Variants in HEXIM2 observed in about 807,000 individuals in gnomAD.
HEXIM2 encodes the protein HEXIM P-TEFb complex subunit 2.
For synonymous variants in HEXIM2, 159 were observed against 162.7 expected (o/e 0.98, Z 0.17); for missense variants, 413 against 390.8 (o/e 1.06, Z -0.48).
chr17:45,162,904 T>G (rs746587377), intron 3 of HEXIM2, 45 bp downstream of exon 3: 1 of 1,295,358 alleles, frequency 7.7e-7, no homozygotes, highest in East Asian at 2.3e-5. Flanking sequence ...CGAGCACGGG[T>G]CCCACAGCTG....
rs149754907 is a variant in HEXIM2 at position 45,169,424 on chromosome 17, A to G, written c.476A>G (p.Asp159Gly). Residue 159 changes from aspartate to glycine, a missense_variant, in exon 4 of 4, where the codon GAT becomes GGT. Transcript: ENST00000589230. ...NDRDPEEPNL[D>G]VPHGISHPGS... Reference sequence around the variant, plus strand: ...AGGGACCCGGAGGAGCCCAACTTGGATGTGCCCCATGGGATCTCCCACCCA... The same window carrying G: ...AGGGACCCGGAGGAGCCCAACTTGGGTGTGCCCCATGGGATCTCCCACCCA... 2.0e-5 allele frequency: 33 copies of G among 1,613,772 alleles called. No homozygotes were observed. The highest frequency in any genetic ancestry group is 2.8e-5 in the Non-Finnish European group (33 of 1,179,984).
In HEXIM2 at chr17:45,169,100, G is replaced by A. The variant is rs1174357154; in HGVS notation, c.152G>A (p.Ser51Asn). The A allele has an allele frequency of 6.2e-7, 1 of 1,613,980 alleles. No individual in the cohort carries two copies. The highest frequency in any genetic ancestry group is 8.5e-7 in the Non-Finnish European group (1 of 1,180,048). Residue 51 changes from serine (S) to asparagine (N), a missense_variant, in exon 4 of 4, where the codon AGC (serine) becomes AAC (asparagine). Physicochemically the swap from Ser to Asn is conservative, Grantham distance 46. Coordinates refer to ENST00000589230, the MANE Select transcript of HEXIM2 (RefSeq NM_001303441.2). ...CTGCCCCTGACACCGCGGATGGAGA[G>A]CCACTCAGAGGATGAAGATCTTGCT... ...GSLPLTPRME[S>N]HSEDEDLAGA... is the part of the protein sequence containing the mutation.
Position 45,169,952 on chromosome 17 carries a change from C to T in HEXIM2, c.*143C>T. ...CTGAGAACAGCTAAATCGGTTCAGA[C>T]TCCCACCTCACCGTTTCCATAGTTG... On this transcript the variant is annotated 3_prime_UTR_variant, in exon 4 of 4. Coordinates refer to ENST00000589230, the MANE Select transcript of HEXIM2 (RefSeq NM_001303441.2). 2 of 587,432 alleles carry T rather than the reference C, an allele frequency of 3.4e-6. No individual in the cohort carries two copies. Among genetic ancestry groups the T allele is most frequent in the South Asian group, 3.6e-5 (1 of 28,098 alleles). The allele number at this position is 587,432 out of a possible 1,614,324, so 36.4% of individuals were successfully genotyped here.
chr17:45,162,670 G>A lies in HEXIM2; in HGVS notation c.-45+35G>A, dbSNP rs2042731089. On this transcript the variant is annotated intron_variant, in intron 2 of 3. Coordinates refer to ENST00000589230, the MANE Select transcript of HEXIM2 (RefSeq NM_001303441.2). The stretch of plus-strand genomic sequence containing the variant: ...GCTGGGGTACAAAATGGCTGCCACT[G>A]CCTGGGCAAACAATTCTGGGCAGCC... 1.3e-5 allele frequency: 20 copies of A among 1,574,296 alleles called. No homozygotes were observed. In the South Asian group the frequency reaches 2.1e-4, roughly 16 times the overall value.
intron 3 of HEXIM2, among the ~76,000 whole-genome samples, chr17:45,167,320 TCA>T (rs1397477640): frequency 1.3e-5 from 2 of 151,230 alleles, no homozygotes; most frequent in Non-Finnish European, 2.9e-5. Context: ...AGCAAGACTC[TCA>T]CACACACACA....
At position 45,169,139 on chromosome 17, in the gene HEXIM2, G is replaced by T. The variant is rs1214924921; in HGVS notation, c.191G>T (p.Gly64Val). 1 of 1,613,922 alleles carries T rather than the reference G, an allele frequency of 6.2e-7. No homozygotes were observed. Among genetic ancestry groups the T allele is most frequent in the Non-Finnish European group, 8.5e-7 (1 of 1,180,032 alleles). ...EDEDLAGAVG[G>V]LGWNSRSPRT... ...GAAGATCTTGCTGGGGCTGTCGGTG[G>T]CCTGGGCTGGAACAGTAGGAGTCCC... Residue 64 changes from glycine (G) to valine (V), a missense_variant, in exon 4 of 4, where the codon GGC (glycine) becomes GTC (valine). Physicochemically the swap from Gly to Val is moderately radical, Grantham distance 109 (BLOSUM62 -3). Coordinates refer to ENST00000589230, the MANE Select transcript of HEXIM2 (RefSeq NM_001303441.2).
chr17:45,160,972 C>T (rs902388657), upstream of HEXIM2: 3 of 1,288,510 alleles, frequency 2.3e-6, no homozygotes, highest in Non-Finnish European at 3.0e-6. Context: ...GATCTCCGCT[C>T]TCGGAGCCTC....
At chr17:45,161,807 A>C (rs1055814134), upstream of HEXIM2, 11 of 985,104 alleles carry the variant, frequency 1.1e-5, no homozygotes, top group South Asian at 5.1e-4. Context: ...TGTTGACGTT[A>C]CAGGCCCTTG....
chr17:45,169,538 AC>A lies in HEXIM2; in HGVS notation c.591del (p.Tyr197Ter). The A allele has an allele frequency of 3.2e-6, 5 of 1,581,022 alleles. No homozygotes were observed. The highest frequency in any genetic ancestry group is 4.3e-6 in the Non-Finnish European group (5 of 1,164,130). On this transcript the variant is annotated frameshift_variant, in exon 4 of 4. Coordinates refer to ENST00000589230, the MANE Select transcript of HEXIM2 (RefSeq NM_001303441.2). LOFTEE classifies it low-confidence loss of function (END_TRUNC). ...EFQRKDFSET[Y>X]ERFHTESLQG... ...CAGCGGAAGGACTTCTCTGAGACTT[AC>A]GAACGCTTCCACACCGAGAGCCTGC... is the stretch of plus-strand genomic sequence containing the variant.
chr17:45,163,009 C>T, intron 3 of HEXIM2, 150 bp downstream of exon 3: 1 of 622,634 alleles, frequency 1.6e-6, no homozygotes, highest in South Asian at 1.9e-5. Flanking sequence ...GCCGGAATCC[C>T]AGTCTATGCT....
rs751903343 is a variant in HEXIM2, at chr17:45,169,324, C to T, written c.376C>T (p.Arg126Trp). 3.1e-6 allele frequency: 5 copies of T among 1,613,840 alleles called. No homozygotes were observed. The South Asian group carries it at 4.4e-5, about 14-fold the overall frequency. ...RDERQSQRAS[R>W]VREEMFAKGQ... ...TGAGAGGCAGAGCCAGAGGGCCTCC[C>T]GGGTCCGCGAAGAGATGTTCGCCAA... The change falls in exon 4 of 4, where the codon CGG becomes TGG. Residue 126 changes from arginine (R) to tryptophan (W), a missense_variant. Arg to Trp is a moderately radical substitution (Grantham distance 101, BLOSUM62 -3). Transcript: ENST00000589230.
At chr17:45,161,744 G>T, upstream of HEXIM2, 1 of 746,728 alleles carries the variant, frequency 1.3e-6, no homozygotes, top group South Asian at 6.0e-5. Flanking sequence ...AGTGATGCGC[G>T]CGCGGTCTGC....
intron 3 of HEXIM2, among the ~76,000 whole-genome samples, chr17:45,167,979 GC>G (rs1380339531): frequency 6.6e-6 from 1 of 151,650 alleles, no homozygotes; most frequent in Non-Finnish European, 1.5e-5. Flanking sequence ...TGCAACTTCC[GC>G]CGCCCACATT....
Position 45,169,661 on chromosome 17 carries a change from A to T in HEXIM2, c.713A>T (p.Gln238Leu), listed in dbSNP as rs1286422476. 1.3e-6 allele frequency: 2 copies of T among 1,532,928 alleles called. No individual in the cohort carries two copies. Among genetic ancestry groups the T allele is most frequent in the Non-Finnish European group, 1.8e-6 (2 of 1,136,662 alleles). The allele number at this position is 1,532,928 out of a possible 1,614,324, so 95.0% of individuals were successfully genotyped here. Residue 238 changes from glutamine (Q) to leucine (L), a missense_variant, in exon 4 of 4, where the codon CAG becomes CTG. Gln to Leu is a moderately radical substitution (Grantham distance 113, BLOSUM62 -2). Coordinates refer to ENST00000589230, the MANE Select transcript of HEXIM2 (RefSeq NM_001303441.2). ...GAGACTAGGAGGCTGCAGCAGCTGC[A>T]GGCGTGCACCGGCCAGCAGTCCTGC... The part of the protein sequence containing the change: ...EEETRRLQQL[Q>L]ACTGQQSCRQ...
In HEXIM2 at chr17:45,167,024, CAAA is replaced by C. The variant is rs58258565; in HGVS notation, c.67-1974_67-1972del. The stretch of plus-strand genomic sequence containing the variant: ...TGGGTGACAGAGCAAGACTCTGTCT[CAAA>C]AAAAAAAAAAAAAAAAGCCCAGGTG... On this transcript the variant is annotated intron_variant, in intron 3 of 3. Transcript: ENST00000589230. 7.6e-3 allele frequency among the ~76,000 whole-genome samples: 518 copies of C among 67,898 alleles called. 4 individuals carry two copies. The highest frequency in any genetic ancestry group is 0.029 in the Middle Eastern group (2 of 68). 44.5% of individuals were successfully genotyped at this position (67,898 alleles called of 152,430 possible).
At chr17:45,161,013 A>T (rs1476728463), upstream of HEXIM2, 1 of 1,197,888 alleles carries the variant, frequency 8.3e-7, no homozygotes, top group Non-Finnish European at 1.1e-6. Context: ...TTGTGGCCAG[A>T]CCTGCGACCT....
upstream of HEXIM2, chr17:45,161,872 G>T (rs1054656846): frequency 2.0e-6 from 2 of 985,766 alleles, no homozygotes; most frequent in East Asian, 1.1e-4. Context: ...GCGCGTCCAG[G>T]CTCTCTCTTC....
upstream of HEXIM2, chr17:45,161,420 C>A: frequency 5.6e-6 from 1 of 178,780 alleles, no homozygotes; most frequent in Non-Finnish European, 1.2e-5. Flanking sequence ...TCGGCCCGGC[C>A]TCTCCCCGCG....
rs376244139 is a variant in HEXIM2 at position 45,162,870 on chromosome 17, G to T, written c.66+11G>T. 3.8e-6 allele frequency: 6 copies of T among 1,568,740 alleles called. No homozygotes were observed. The African/African-American group carries it at 4.1e-5, about 11-fold the overall frequency. Reference sequence around the variant, plus strand: ...CTGGAGGAGGCCAAGGTAAGTCCCTGCCCTCCTGCCCACCCAAGCACCACG... The same window carrying T: ...CTGGAGGAGGCCAAGGTAAGTCCCTTCCCTCCTGCCCACCCAAGCACCACG... On this transcript the variant is annotated intron_variant, in intron 3 of 3. Transcript: ENST00000589230.
Sources: gnomAD v4.1 joint callset for allele counts (sites outside exome capture counted in the v4.1 genomes callset) on GRCh38, gnomAD v4.1.1 for gene constraint, MANE v1.5 for transcripts, NCBI Gene and HGNC (gene_info 2026-07-23, HGNC 2026-07-21) for gene names.